The following SCNN1G variants were observed in gnomAD, a reference collection of about 807,000 sequenced individuals.
SCNN1G encodes sodium channel epithelial 1 subunit gamma.
SCNN1G carries 27 observed loss-of-function variants against 64.6 expected under a neutral mutation model. The ratio of observed to expected loss-of-function variants is 0.42; its 90% CI spans 0.31 to 0.58. The LOEUF is 0.58. Among genes scored for constraint, SCNN1G ranks in the 20% least tolerant of loss-of-function variants. The pLI is 0.18. For missense variants in SCNN1G, 743 were observed against 823.4 expected (o/e 0.90, Z 1.19); for synonymous variants, 330 against 314.2 (o/e 1.05, Z -0.53).
Position 23,215,869 on chromosome 16 carries a change from G to A in SCNN1G, c.*400G>A, listed in dbSNP as rs1198329275. 6.9e-6 allele frequency: 2 copies of A among 289,952 alleles called. No individual in the cohort carries two copies. Among genetic ancestry groups the A allele is most frequent in the Non-Finnish European group, 1.3e-5 (2 of 151,370 alleles). The allele number at this position is 289,952 out of a possible 1,614,324, so 18.0% of individuals were successfully genotyped here. ...TCACCCACACTGCCAGCCTGGGTTG[G>A]GGCCCAAGGATGTGACCTTGAGTGT... On this transcript the variant is annotated 3_prime_UTR_variant, in exon 13 of 13. Coordinates refer to ENST00000300061, the MANE Select transcript of SCNN1G (RefSeq NM_001039.4).
At chr16:23,206,772 C>T (rs1001279554) in intron 6 of SCNN1G, among the ~76,000 whole-genome samples, 3 of 152,196 alleles carry the variant, frequency 2.0e-5, no homozygotes, top group Middle Eastern at 3.2e-3. Flanking sequence ...TCCACTCACA[C>T]ACATCCACAC....
At position 23,186,400 on chromosome 16, in the gene SCNN1G, C is replaced by A; in HGVS notation, c.129C>A (p.Arg43=). The change falls in exon 2 of 13, where the codon CGC becomes CGA. Residue 43 remains arginine (R), a synonymous_variant. Transcript: ENST00000300061. The stretch of plus-strand genomic sequence containing the variant: ...ACACCAACACCCATGGCTGTCGCCG[C>A]ATCGTGGTGTCCCGCGGCCGTCTGC... The part of the protein sequence containing the change: ...CLNTNTHGCR[R]IVVSRGRLRR... The A allele has an allele frequency of 6.2e-7, 1 of 1,614,278 alleles. No homozygotes were observed. Among genetic ancestry groups the A allele is most frequent in the East Asian group, 2.2e-5 (1 of 44,886 alleles).
chr16:23,186,705 C>T (rs1773607210), intron 2 of SCNN1G, 117 bp downstream of exon 2: 4 of 883,084 alleles, frequency 4.5e-6, no homozygotes, highest in African/African-American at 1.7e-5. Flanking sequence ...TACAAATGTG[C>T]TTTCTAGAAA....
At chr16:23,210,232 A>G (rs571961890) in intron 7 of SCNN1G, among the ~76,000 whole-genome samples, 1 of 152,318 alleles carries the variant, frequency 6.6e-6, no homozygotes, top group South Asian at 2.1e-4. Flanking sequence ...GGTTCCCCTC[A>G]GCAACCACAA....
rs758448932 is a variant in SCNN1G at position 23,215,273 on chromosome 16, C to T, written c.1754C>T (p.Pro585Leu). ...WKQAPPCPEAPRSPQGQDNPA... is the reference protein window; with the variant it reads ...WKQAPPCPEALRSPQGQDNPA... ...CAGGCTCCCCCATGTCCAGAAGCTC[C>T]CCGTAGCCCACAGGGCCAGGACAAT... The change falls in exon 13 of 13, where the codon CCC becomes CTC. Residue 585 changes from proline (P) to leucine (L), a missense_variant. Transcript: ENST00000300061. 2.5e-6 allele frequency: 4 copies of T among 1,614,050 alleles called. No homozygotes were observed. The African/African-American group carries it at 5.3e-5, about 22-fold the overall frequency.
chr16:23,196,852 T>TTAG (rs1959803301), intron 5 of SCNN1G, among the ~76,000 whole-genome samples: 2 of 152,134 alleles, frequency 1.3e-5, no homozygotes, highest in South Asian at 4.1e-4. Flanking sequence ...AGAAACACCA[T>TTAG]TAGTGATTCA....
intron 2 of SCNN1G, among the ~76,000 whole-genome samples, chr16:23,187,881 A>T (rs1959640077): frequency 6.6e-6 from 1 of 152,184 alleles, no homozygotes; most frequent in Admixed American, 6.5e-5. Context: ...GAAGAAGAAC[A>T]GGGGAGAAAG....
At chr16:23,209,892 G>A in intron 7 of SCNN1G, 44 bp downstream of exon 7, 1 of 1,364,066 alleles carries the variant, frequency 7.3e-7, no homozygotes, top group Non-Finnish European at 1.0e-6. Context: ...TTATGGCCCG[G>A]ACCCAGGAGA....
In SCNN1G at chr16:23,212,678, T is replaced by G; in HGVS notation, c.1295T>G (p.Met432Arg). 6.2e-7 allele frequency: 1 copy of G among 1,613,436 alleles called. No homozygotes were observed. The highest frequency in any genetic ancestry group is 8.5e-7 in the Non-Finnish European group (1 of 1,179,354). The change falls in exon 9 of 13, where the codon ATG (methionine) becomes AGG (arginine). Residue 432 changes from methionine (M) to arginine (R), a missense_variant and splice_region_variant. Physicochemically the swap from Met to Arg is moderately conservative, Grantham distance 91 (BLOSUM62 -1). Coordinates refer to ENST00000300061, the MANE Select transcript of SCNN1G (RefSeq NM_001039.4). ...YCNYQQHPNW[M>R]YCYYQLHRAF... ...TGCTGCCCTCTCCCTTGTCCCTCAG[T>G]GTATTGTTACTACCAACTGCATCGA...
At position 23,194,683 on chromosome 16, in the gene SCNN1G, G is replaced by A. The variant is rs371626593; in HGVS notation, c.913+409G>A. Among the ~76,000 whole-genome samples the A allele has an allele frequency of 1.2e-3, 178 of 152,268 alleles. 1 individual carries two copies. The highest frequency in any genetic ancestry group is 1.8e-3 in the Non-Finnish European group (120 of 68,014). On this transcript the variant is annotated intron_variant, in intron 5 of 12. Transcript: ENST00000300061. ...CAGGTGACAGATTCTGGACGGAGCC[G>A]AAACCCAGCTTGGCCACTCACTGTG... is the stretch of plus-strand genomic sequence containing the variant.
At chr16:23,195,779 ATTG>A (rs1959786078) in intron 5 of SCNN1G, 2 of 104,558 alleles carry the variant, frequency 1.9e-5, no homozygotes, top group African/African-American at 5.8e-5. Flanking sequence ...ATTGTTTGCA[ATTG>A]TTTACAAATC....
intron 3 of SCNN1G, among the ~76,000 whole-genome samples, chr16:23,190,433 G>A (rs996945704): frequency 6.6e-6 from 1 of 152,160 alleles, no homozygotes; most frequent in Non-Finnish European, 1.5e-5. Context: ...GCCTCTCAAA[G>A]GGCAGAAATT....
In SCNN1G at chr16:23,212,061, A is replaced by C. The variant is rs758982922; in HGVS notation, c.1204A>C (p.Lys402Gln). 4.3e-6 allele frequency: 7 copies of C among 1,613,676 alleles called. No homozygotes were observed. The Admixed American group carries it at 1.2e-4, about 27-fold the overall frequency. Residue 402 changes from lysine to glutamine, a missense_variant, in exon 8 of 13, where the codon AAG becomes CAG. Transcript: ENST00000300061. ...CTGCCTTCATTCATGCTTCCAGACA[A>C]AGATGGTGGAGAAATGTGGGTGTGC... Reference protein sequence around the residue: ...QICLHSCFQTKMVEKCGCAQY... With the variant: ...QICLHSCFQTQMVEKCGCAQY...
chr16:23,215,155 G>C lies in SCNN1G; in HGVS notation c.1636G>C (p.Val546Leu). 1.2e-6 allele frequency: 2 copies of C among 1,614,100 alleles called. No homozygotes were observed. The highest frequency in any genetic ancestry group is 2.2e-5 in the South Asian group (2 of 91,080). Residue 546 changes from valine (V) to leucine (L), a missense_variant, in exon 13 of 13, where the codon GTC (valine) becomes CTC (leucine). Physicochemically the swap from Val to Leu is conservative, Grantham distance 32. Coordinates refer to ENST00000300061, the MANE Select transcript of SCNN1G (RefSeq NM_001039.4). ...GTGGATGAGCTGCTCTGTTGTCTGCGTCATCGAGATCATCGAGGTCTTCTT... is the reference window on the plus strand; with the variant it reads ...GTGGATGAGCTGCTCTGTTGTCTGCCTCATCGAGATCATCGAGGTCTTCTT... ...GLWMSCSVVC[V>L]IEIIEVFFID...
At position 23,210,050 on chromosome 16, in the gene SCNN1G, G is replaced by A. The variant is rs191322837; in HGVS notation, c.1176+202G>A. 1.8e-4 allele frequency among the ~76,000 whole-genome samples: 27 copies of A among 152,308 alleles called. No homozygotes were observed. In the East Asian group the frequency reaches 2.9e-3, roughly 16 times the overall value. On this transcript the variant is annotated intron_variant, in intron 7 of 12. Coordinates refer to ENST00000300061, the MANE Select transcript of SCNN1G (RefSeq NM_001039.4). The stretch of plus-strand genomic sequence containing the variant: ...GTAACCAGAGCTTAATTGATACACC[G>A]AGGTTTCTGTGGAACTCAATGTACA...
chr16:23,191,670 C>T (rs1036251899), intron 3 of SCNN1G, among the ~76,000 whole-genome samples: 1 of 152,188 alleles, frequency 6.6e-6, no homozygotes, highest in Non-Finnish European at 1.5e-5. Context: ...AATCAGTCTT[C>T]CCACTACAAC....
chr16:23,183,999 A>T (rs1302412865), intron 1 of SCNN1G, among the ~76,000 whole-genome samples: 2 of 152,210 alleles, frequency 1.3e-5, no homozygotes, highest in Non-Finnish European at 2.9e-5. Flanking sequence ...AAATTAAATG[A>T]GGTGACAGCT....
intron 6 of SCNN1G, among the ~76,000 whole-genome samples, chr16:23,204,477 G>A (rs931953922): frequency 4.8e-5 from 7 of 144,678 alleles, no homozygotes; most frequent in African/African-American, 1.5e-4. Context: ...TGTCTTTTTT[G>A]ACACCTCTCT....
At chr16:23,214,923 G>T in intron 12 of SCNN1G, 136 bp downstream of exon 12, 1 of 1,095,296 alleles carries the variant, frequency 9.1e-7, no homozygotes, top group Non-Finnish European at 1.4e-6. Context: ...CCAGGTCTCA[G>T]GTCGGAATGC....
Sources: gnomAD v4.1 joint callset for allele counts (sites outside exome capture counted in the v4.1 genomes callset) on GRCh38, gnomAD v4.1.1 for gene constraint, MANE v1.5 for transcripts, NCBI Gene and HGNC (gene_info 2026-07-23, HGNC 2026-07-21) for gene names.